The following CSK variants were observed in gnomAD, a reference collection of about 807,000 sequenced individuals.
The protein encoded by CSK is tyrosine-protein kinase CSK.
A neutral mutation model predicts 62.3 loss-of-function variants in CSK; 7 were observed. The observed-to-expected ratio is 0.11, with a 90% confidence interval of 0.06 to 0.21. The LOEUF (loss-of-function observed/expected upper bound fraction) is 0.21, where lower values mean the gene tolerates loss of function less well. CSK is among the 10% of genes least tolerant of loss of function. CSK has a pLI of 1.00. For synonymous variants in CSK, 237 were observed against 246.0 expected (o/e 0.96, Z 0.34); for missense variants, 294 against 613.5 (o/e 0.48, Z 5.50).
chr15:74,800,660 C>A, intron 6 of CSK, 21 bp from the exon 7 acceptor site: 2 of 1,539,924 alleles, frequency 1.3e-6, no homozygotes, highest in Non-Finnish European at 1.8e-6. Flanking sequence ...CCTCCAGGCC[C>A]TCACTGGCCC....
In CSK at chr15:74,801,896, GC is replaced by G. The variant is rs1226245640; in HGVS notation, c.1083+7del. ...CTGAGGCCCTGAGAGAGAAGGTGGG[GC>G]TGGCCTCCCCTGGGGCCTACAGAGG... On this transcript the variant is annotated splice_region_variant and intron_variant, in intron 11 of 12. Transcript: ENST00000220003. 5 of 1,609,350 alleles carry G rather than the reference GC, an allele frequency of 3.1e-6. No homozygotes were observed. The highest frequency in any genetic ancestry group is 3.3e-5 in the Admixed American group (2 of 59,868).
chr15:74,787,322 G>A (rs1326013634), intron 1 of CSK, among the ~76,000 whole-genome samples: 1 of 152,178 alleles, frequency 6.6e-6, no homozygotes, highest in Non-Finnish European at 1.5e-5. Flanking sequence ...CTGAGCCCCT[G>A]CTCCTCGGGA....
chr15:74,789,374 C>T (rs952687663), intron 1 of CSK, among the ~76,000 whole-genome samples: 2 of 152,208 alleles, frequency 1.3e-5, no homozygotes, highest in African/African-American at 2.4e-5. Context: ...GGACCACCAG[C>T]GCAGGCTGCG....
In CSK at chr15:74,802,485, A is replaced by T; in HGVS notation, c.1325A>T (p.His442Leu). ...SFLQLREQLE[H>L]IKTHELHL ...CTACAGCTCCGAGAGCAGCTTGAGC[A>T]CATCAAAACCCACGAGCTGCACCTG... Residue 442 changes from histidine to leucine, a missense_variant, in exon 13 of 13, where the codon CAC (histidine) becomes CTC (leucine). His to Leu is a moderately conservative substitution (Grantham distance 99, BLOSUM62 -3). Transcript: ENST00000220003. 6.2e-7 allele frequency: 1 copy of T among 1,612,400 alleles called. No individual in the cohort carries two copies. The highest frequency in any genetic ancestry group is 1.1e-5 in the South Asian group (1 of 90,940).
chr15:74,793,322 AC>A, intron 1 of CSK: 1 of 152,604 alleles, frequency 6.6e-6, no homozygotes, highest in Non-Finnish European at 1.5e-5. Context: ...GAGGCAGCCC[AC>A]CCCGACCGCT....
rs35051763 is a variant in CSK at position 74,785,715 on chromosome 15, G to T, written c.-66+2995G>T. 4.7e-3 allele frequency among the ~76,000 whole-genome samples: 710 copies of T among 152,294 alleles called. 4 individuals are homozygous for T. Among genetic ancestry groups the T allele is most frequent in the African/African-American group, 0.015 (642 of 41,560 alleles). ...GCCTCAACCTGTGGGGAAGGTGCCT[G>T]AGCCACGGGCCAATGTTGACTGACC... On this transcript the variant is annotated intron_variant, in intron 1 of 12. Coordinates refer to ENST00000220003, the MANE Select transcript of CSK (RefSeq NM_004383.3).
At position 74,798,119 on chromosome 15, in the gene CSK, A is replaced by T; in HGVS notation, c.-65-114A>T. The T allele has an allele frequency of 1.6e-6, 1 of 631,512 alleles. No homozygotes were observed. Among genetic ancestry groups the T allele is most frequent in the Non-Finnish European group, 2.7e-6 (1 of 368,916 alleles). 39.1% of individuals were successfully genotyped at this position (631,512 alleles called of 1,614,324 possible). On this transcript the variant is annotated intron_variant, in intron 1 of 12. Transcript: ENST00000220003. The surrounding 1 kb of genome is among the most constrained non-coding windows in gnomAD (Gnocchi z 6.6). ...ACTGGAGAGAATGGCCCATGTGTCAAATCCCAGCGCAGGACACTCTTGGCA... is the reference window on the plus strand; with the variant it reads ...ACTGGAGAGAATGGCCCATGTGTCATATCCCAGCGCAGGACACTCTTGGCA...
chr15:74,793,427 G>T (rs2063655654), intron 1 of CSK, among the ~76,000 whole-genome samples: 1 of 152,158 alleles, frequency 6.6e-6, no homozygotes, highest in South Asian at 2.1e-4. Flanking sequence ...CCCTAGGCTA[G>T]TGTGGTCCCC....
Position 74,786,000 on chromosome 15 carries a change from C to CTTTTTTTTTTTTTTT in CSK, c.-66+3281_-66+3282insTTTTTTTTTTTTTTT, listed in dbSNP as rs1232728038. Among the ~76,000 whole-genome samples, 379 of 59,852 alleles carry CTTTTTTTTTTTTTTT rather than the reference C, an allele frequency of 6.3e-3. 70 individuals carry two copies. The highest frequency in any genetic ancestry group is 0.028 in the Middle Eastern group (3 of 106). 39.3% of individuals were successfully genotyped at this position (59,852 alleles called of 152,430 possible). A position where few individuals can be genotyped will look rare whatever the true frequency, so the allele number is the denominator to read the frequency against. On this transcript the variant is annotated intron_variant, in intron 1 of 12. Coordinates refer to ENST00000220003, the MANE Select transcript of CSK (RefSeq NM_004383.3). ...CAAGGCCTCTTCTCTCTCTCTCTCTCTCTTTTTTTTTTTTGTGTGTGTGTG... is the reference window on the plus strand; with the variant it reads ...CAAGGCCTCTTCTCTCTCTCTCTCTCTTTTTTTTTTTTTTTTCTTTTTTTTTTTTGTGTGTGTGTG...
intron 1 of CSK, among the ~76,000 whole-genome samples, chr15:74,789,124 GGGGA>G (rs2063576396): frequency 6.6e-6 from 1 of 152,156 alleles, no homozygotes; most frequent in African/African-American, 2.4e-5. Context: ...ATTGGGGGCA[GGGGA>G]AAAAAAGCCA....
rs1555464577 is a variant in CSK, at chr15:74,786,002, C to CTTTTTTTTTTTCTTT, written c.-66+3293_-66+3294insCTTTTTTTTTTTTTT. On this transcript the variant is annotated intron_variant, in intron 1 of 12. Coordinates refer to ENST00000220003, the MANE Select transcript of CSK (RefSeq NM_004383.3). ...AGGCCTCTTCTCTCTCTCTCTCTCT[C>CTTTTTTTTTTTCTTT]TTTTTTTTTTTTGTGTGTGTGTGTG... 1.6e-4 allele frequency among the ~76,000 whole-genome samples: 12 copies of CTTTTTTTTTTTCTTT among 73,628 alleles called. 2 individuals are homozygous for CTTTTTTTTTTTCTTT. The highest frequency in any genetic ancestry group is 4.3e-4 in the East Asian group (1 of 2,336). The allele number at this position is 73,628 out of a possible 152,430, so 48.3% of individuals were successfully genotyped here.
At chr15:74,799,885 A>G (rs973090420) in intron 5 of CSK, among the ~76,000 whole-genome samples, 6 of 152,182 alleles carry the variant, frequency 3.9e-5, no homozygotes, top group Non-Finnish European at 8.8e-5. Flanking sequence ...AACATGAGCC[A>G]TGCGCCTTGA....
At chr15:74,791,570 C>G (rs2063620673) in intron 1 of CSK, among the ~76,000 whole-genome samples, 1 of 152,160 alleles carries the variant, frequency 6.6e-6, no homozygotes, top group African/African-American at 2.4e-5. Flanking sequence ...CCCCTCTCCC[C>G]AAGTGATTTT....
intron 1 of CSK, among the ~76,000 whole-genome samples, chr15:74,791,878 C>T (rs2063626384): frequency 6.6e-6 from 1 of 152,192 alleles, no homozygotes; most frequent in Non-Finnish European, 1.5e-5. Context: ...GGTGATGCTT[C>T]ACTGGATCAC....
At position 74,802,648 on chromosome 15, in the gene CSK, C is replaced by T; in HGVS notation, c.*135C>T. 1.8e-6 allele frequency: 2 copies of T among 1,098,532 alleles called. No homozygotes were observed. The highest frequency in any genetic ancestry group is 2.6e-6 in the Non-Finnish European group (2 of 782,930). 68.0% of individuals were successfully genotyped at this position (1,098,532 alleles called of 1,614,324 possible). Reference sequence around the variant, plus strand: ...GCGGGCCTTTTTCCTGCGTCCCAGCCTGCACCCCTCCGGCCCCGTCTCTCT... The same window carrying T: ...GCGGGCCTTTTTCCTGCGTCCCAGCTTGCACCCCTCCGGCCCCGTCTCTCT... On this transcript the variant is annotated 3_prime_UTR_variant, in exon 13 of 13. Transcript: ENST00000220003.
At chr15:74,801,134 C>A in intron 9 of CSK, 32 bp downstream of exon 9, 1 of 1,611,148 alleles carries the variant, frequency 6.2e-7, no homozygotes, top group Non-Finnish European at 8.5e-7. Context: ...GCACTCAGGC[C>A]TTCCAACTGC....
At chr15:74,785,660 G>A (rs1215161928) in intron 1 of CSK, among the ~76,000 whole-genome samples, 1 of 152,206 alleles carries the variant, frequency 6.6e-6, no homozygotes, top group Non-Finnish European at 1.5e-5. Context: ...AGTAGGATTG[G>A]CATTGTTGAA....
intron 1 of CSK, among the ~76,000 whole-genome samples, chr15:74,794,675 C>T (rs888192115): frequency 4.6e-5 from 7 of 152,136 alleles, no homozygotes; most frequent in Admixed American, 1.3e-4. Context: ...CCTGTCCTCC[C>T]CTTCAGGGTA....
chr15:74,801,706 A>G lies in CSK; in HGVS notation c.899A>G (p.Glu300Gly), dbSNP rs981252185. The change falls in exon 11 of 13, where the codon GAG becomes GGG. Residue 300 changes from glutamate to glycine, a missense_variant. Around this residue, in one of 3 missense-constraint regions of CSK, gnomAD observed 202 missense variants for 415.7 expected, o/e 0.49. Coordinates refer to ENST00000220003, the MANE Select transcript of CSK (RefSeq NM_004383.3). ...TGGCCTACCCCCAGAGATGTCTGCG[A>G]GGCCATGGAATACCTGGAGGGCAAC... Reference protein sequence around the residue: ...CLLKFSLDVCEAMEYLEGNNF... With the variant: ...CLLKFSLDVCGAMEYLEGNNF... 1.1e-5 allele frequency: 17 copies of G among 1,613,100 alleles called. No individual in the cohort carries two copies. The highest frequency in any genetic ancestry group is 1.3e-5 in the African/African-American group (1 of 74,912).
Sources: gnomAD v4.1 joint callset for allele counts (sites outside exome capture counted in the v4.1 genomes callset) on GRCh38, gnomAD v4.1.1 for gene constraint, gnomAD v4.1.1 regional missense constraint, Gnocchi (gnomAD v3.1) non-coding constraint, MANE v1.5 for transcripts, NCBI Gene and HGNC (gene_info 2026-07-23, HGNC 2026-07-21) for gene names.